CAPN1: variants seen among roughly 807,000 people sequenced by gnomAD.
CAPN1 encodes calpain 1.
CAPN1 carries 77 observed loss-of-function variants against 105.2 expected under a neutral mutation model. The ratio of observed to expected loss-of-function variants is 0.73; its 90% CI spans 0.61 to 0.88. CAPN1 has a LOEUF of 0.88. CAPN1 is among the 40% of genes least tolerant of loss of function. The pLI is 0.00. For missense variants in CAPN1, 833 were observed against 976.6 expected, an observed-to-expected ratio of 0.85 and a Z score of 1.96; for synonymous variants, 355 against 388.8, an observed-to-expected ratio of 0.91 and a Z score of 1.02.
At chr11:65,182,310 T>C (rs1948549631) in intron 1 of CAPN1, 1 of 110,646 alleles carries the variant, frequency 9.0e-6, no homozygotes, top group Middle Eastern at 4.3e-3. Context: ...AGGAGCTTGG[T>C]TAGTTTGGGG....
Position 65,189,171 on chromosome 11 carries a change from C to A in CAPN1, c.1165+425C>A, listed in dbSNP as rs187617181. ...CCCGAGTAGCTGGGATTACAGGCAC[C>A]TACCATACCCAGCTAATTTTTGTAT... On this transcript the variant is annotated intron_variant, in intron 10 of 21. Coordinates refer to ENST00000279247, the MANE Select transcript of CAPN1 (RefSeq NM_005186.4). Among the ~76,000 whole-genome samples the A allele has an allele frequency of 1.5e-4, 23 of 152,286 alleles. 1 individual carries two copies. Among genetic ancestry groups the A allele is most frequent in the Admixed American group, 1.2e-3 (18 of 15,304 alleles).
intron 4 of CAPN1, among the ~76,000 whole-genome samples, chr11:65,184,450 C>T (rs1026584849): frequency 1.2e-4 from 19 of 152,162 alleles, no homozygotes; most frequent in Non-Finnish European, 2.5e-4. Context: ...CTCTCCGCAA[C>T]CTGGGCTCCT....
At chr11:65,196,353 T>A (rs1406217269) in intron 10 of CAPN1, among the ~76,000 whole-genome samples, 1 of 151,996 alleles carries the variant, frequency 6.6e-6, no homozygotes, top group Non-Finnish European at 1.5e-5. Context: ...AATAAATCCA[T>A]TTTTTATTTC....
intron 4 of CAPN1, 63 bp downstream of exon 4, chr11:65,183,655 C>A: frequency 8.8e-7 from 1 of 1,139,002 alleles, no homozygotes; most frequent in Non-Finnish European, 1.3e-6. Flanking sequence ...GGATGACCCA[C>A]AATACCTGCA....
At chr11:65,185,787 A>G (rs1948623168) in intron 4 of CAPN1, 130 bp from the exon 5 acceptor site, 1 of 928,360 alleles carries the variant, frequency 1.1e-6, no homozygotes, top group Non-Finnish European at 1.6e-6. Context: ...TCTAATTTAC[A>G]TGATTTAGTC....
chr11:65,201,955 T>G (rs538973918), intron 10 of CAPN1, among the ~76,000 whole-genome samples: 1 of 152,138 alleles, frequency 6.6e-6, no homozygotes, highest in Non-Finnish European at 1.5e-5. Flanking sequence ...CCCGAGTAAG[T>G]GGGACTACAG....
intron 7 of CAPN1, 57 bp downstream of exon 7, chr11:65,187,355 T>C: frequency 8.1e-7 from 1 of 1,233,986 alleles, no homozygotes; most frequent in Non-Finnish European, 1.2e-6. Flanking sequence ...TGGCCTGTCC[T>C]TGCCTCTCTG....
chr11:65,187,358 C>A, intron 7 of CAPN1, 60 bp downstream of exon 7: 3 of 1,173,242 alleles, frequency 2.6e-6, no homozygotes, highest in Non-Finnish European at 3.8e-6. Flanking sequence ...CCTGTCCTTG[C>A]CTCTCTGGCA....
At chr11:65,181,399 C>A, upstream of CAPN1, 1 of 254,562 alleles carries the variant, frequency 3.9e-6, no homozygotes. This position sits in a 1 kb window ranked among gnomAD's most constrained non-coding sequence, Gnocchi z 4.6. Flanking sequence ...AGAGCAGCTG[C>A]CGCAGCCCGA....
Position 65,205,858 on chromosome 11 carries a change from C to T in CAPN1, c.1353+137C>T. On this transcript the variant is annotated intron_variant, in intron 12 of 21. Transcript: ENST00000279247. ...TCACTGCTTGAAAAATGCTTCTCCC[C>T]ACCTGTTCAGTGGGCAGAGCAAACA... 6 of 798,516 alleles carry T rather than the reference C, an allele frequency of 7.5e-6. No individual in the cohort carries two copies. The South Asian group carries it at 8.8e-5, about 12-fold the overall frequency. The allele number at this position is 798,516 out of a possible 1,614,324, so 49.5% of individuals were successfully genotyped here. A position where few individuals can be genotyped will look rare whatever the true frequency, so the allele number is the denominator to read the frequency against.
Position 65,204,855 on chromosome 11 carries a change from C to T in CAPN1, c.1338C>T (p.Tyr446=), listed in dbSNP as rs753087350. The change falls in exon 11 of 22, where the codon TAC becomes TAT. Residue 446 remains tyrosine (Y), a synonymous_variant. Transcript: ENST00000279247. ...TGGAGACTATTGGCTTCGCGGTCTA[C>T]GAGGTCAGGAGGGTGGATCACCGGT... is the stretch of plus-strand genomic sequence containing the variant. The part of the protein sequence containing the change: ...RDMETIGFAV[Y]EVPPELVGQP... 10 of 1,606,538 alleles carry T rather than the reference C, an allele frequency of 6.2e-6. No homozygotes were observed. The highest frequency in any genetic ancestry group is 2.6e-6 in the Non-Finnish European group (3 of 1,175,262).
chr11:65,209,994 C>A lies in CAPN1; in HGVS notation c.1864-24C>A. 1 of 1,612,824 alleles carries A rather than the reference C, an allele frequency of 6.2e-7. No homozygotes were observed. The highest frequency in any genetic ancestry group is 8.5e-7 in the Non-Finnish European group (1 of 1,179,454). On this transcript the variant is annotated intron_variant, in intron 18 of 21. Coordinates refer to ENST00000279247, the MANE Select transcript of CAPN1 (RefSeq NM_005186.4). The surrounding 1 kb of genome is among the most constrained non-coding windows in gnomAD (Gnocchi z 4.1). ...GAAGGGCCGGGTGACTCAGCCTGGC[C>A]CTCACCCTCTGCCGCCACCTCAGTC...
chr11:65,205,242 G>A (rs530931924), intron 11 of CAPN1, among the ~76,000 whole-genome samples: 6 of 152,286 alleles, frequency 3.9e-5, no homozygotes, highest in South Asian at 2.1e-4. Context: ...AGGGCCTGTC[G>A]GCCAAGGTGA....
Position 65,210,689 on chromosome 11 carries a change from G to T in CAPN1, c.2060-125G>T. On this transcript the variant is annotated intron_variant, in intron 20 of 21. Coordinates refer to ENST00000279247, the MANE Select transcript of CAPN1 (RefSeq NM_005186.4). The surrounding 1 kb of genome is among the most constrained non-coding windows in gnomAD (Gnocchi z 4.3). ...AAGGGGTGAAGCTTCCCAGCTTCAA[G>T]GGGTGTCAGCTTGCGGTACTGTGGG... is the stretch of plus-strand genomic sequence containing the variant. 1 of 822,446 alleles carries T rather than the reference G, an allele frequency of 1.2e-6. No individual in the cohort carries two copies. Among genetic ancestry groups the T allele is most frequent in the East Asian group, 2.4e-5 (1 of 40,942 alleles). 50.9% of individuals were successfully genotyped at this position (822,446 alleles called of 1,614,324 possible). A position where few individuals can be genotyped will look rare whatever the true frequency, so the allele number is the denominator to read the frequency against.
At position 65,204,871 on chromosome 11, in the gene CAPN1, G is replaced by C. The variant is rs1333394523; in HGVS notation, c.1341+13G>C. The C allele has an allele frequency of 1.3e-6, 2 of 1,596,468 alleles. No homozygotes were observed. The highest frequency in any genetic ancestry group is 1.7e-6 in the Non-Finnish European group (2 of 1,167,546). On this transcript the variant is annotated intron_variant, in intron 11 of 21. Transcript: ENST00000279247. Reference sequence around the variant, plus strand: ...CGCGGTCTACGAGGTCAGGAGGGTGGATCACCGGTGGATCTCACTGAGCAG... The same window carrying C: ...CGCGGTCTACGAGGTCAGGAGGGTGCATCACCGGTGGATCTCACTGAGCAG...
chr11:65,182,460 A>G (rs1948552546), intron 1 of CAPN1: 1 of 513,278 alleles, frequency 1.9e-6, no homozygotes, highest in East Asian at 3.2e-5. Context: ...GCCCCTGACA[A>G]TGGGATCCGG....
rs11826089 is a variant in CAPN1, at chr11:65,204,837, T to A, written c.1320T>A (p.Thr440=). The A allele has an allele frequency of 7.0e-4, 1,135 of 1,610,080 alleles. 13 individuals are homozygous for A. In the African/African-American group the frequency reaches 0.013, roughly 19 times the overall value. ...GCCGCTTCGGCCGCGACATGGAGAC[T>A]ATTGGCTTCGCGGTCTACGAGGTCA... ...RERRFGRDME[T]IGFAVYEVPP... is the part of the protein sequence containing the mutation. Residue 440 remains threonine (T), a synonymous_variant, in exon 11 of 22, where the codon ACT becomes ACA. Transcript: ENST00000279247.
chr11:65,194,169 T>C (rs748840237), intron 10 of CAPN1, among the ~76,000 whole-genome samples: 4 of 151,944 alleles, frequency 2.6e-5, no homozygotes, highest in Non-Finnish European at 4.4e-5. Flanking sequence ...GGTTTGACCA[T>C]GTTGGCCAGG....
At position 65,195,260 on chromosome 11, in the gene CAPN1, GCACACTGC is replaced by G. The variant is rs1172223709; in HGVS notation, c.1165+6520_1165+6527del. Among the ~76,000 whole-genome samples, 6 of 151,926 alleles carry G rather than the reference GCACACTGC, an allele frequency of 3.9e-5. No homozygotes were observed. In the East Asian group the frequency reaches 1.2e-3, roughly 29 times the overall value. ...TTAGTCCCTAGCTGGGACTACAGGT[GCACACTGC>G]CACACCCAGCTAATTTTTGTAGTTT... On this transcript the variant is annotated intron_variant, in intron 10 of 21. Transcript: ENST00000279247.
Sources: allele counts gnomAD v4.1 joint callset (sites outside exome capture counted in the v4.1 genomes callset), GRCh38; gene constraint gnomAD v4.1.1; non-coding constraint Gnocchi (gnomAD v3.1); transcripts MANE v1.5; gene names NCBI Gene and HGNC (gene_info 2026-07-23, HGNC 2026-07-21).